STAM2: variants seen among roughly 807,000 people sequenced by gnomAD.
STAM2 encodes the protein signal transducing adaptor molecule 2, also known as signal transducing adapter molecule 2.
Under a neutral mutation model 65.6 loss-of-function variants are expected in STAM2, and 51 were observed. That is an observed-to-expected ratio of 0.78 (90% CI 0.62 to 0.98). The LOEUF (loss-of-function observed/expected upper bound fraction) is 0.98, where lower values mean the gene tolerates loss of function less well. STAM2 is among the 50% of genes least tolerant of loss of function. The pLI is 0.00. For missense variants in STAM2, 584 were observed against 617.8 expected, an observed-to-expected ratio of 0.95 and a Z score of 0.58; for synonymous variants, 198 against 208.4, an observed-to-expected ratio of 0.95 and a Z score of 0.43.
intron 7 of STAM2, among the ~76,000 whole-genome samples, chr2:152,139,338 T>C (rs547804766): frequency 6.6e-6 from 1 of 152,258 alleles, no homozygotes; most frequent in South Asian, 2.1e-4. Flanking sequence ...AAACCTACCA[T>C]GGAGAAAATA....
rs562958470 is a variant in STAM2 at position 152,117,857 on chromosome 2, T to C, written c.*2717A>G. On this transcript the variant is annotated 3_prime_UTR_variant, in exon 14 of 14. Transcript: ENST00000263904. Reference sequence around the variant, plus strand: ...GTAAAATGTATTACGTAGACAAGTATCAATTATTTCAAACAGCATGACAAT... The same window carrying C: ...GTAAAATGTATTACGTAGACAAGTACCAATTATTTCAAACAGCATGACAAT... The C allele has an allele frequency of 6.6e-6, 1 of 152,270 alleles. No homozygotes were observed. Among genetic ancestry groups the C allele is most frequent in the African/African-American group, 2.4e-5 (1 of 41,584 alleles). 9.4% of individuals were successfully genotyped at this position (152,270 alleles called of 1,614,324 possible). A position where few individuals can be genotyped will look rare whatever the true frequency, so the allele number is the denominator to read the frequency against.
At chr2:152,127,071 G>C (rs1688975758) in intron 11 of STAM2, among the ~76,000 whole-genome samples, 1 of 152,200 alleles carries the variant, frequency 6.6e-6, no homozygotes, top group Admixed American at 6.5e-5. Flanking sequence ...GAAACTTCTA[G>C]GGGGTACTTG....
chr2:152,128,171 G>A (rs1289371058), intron 11 of STAM2, among the ~76,000 whole-genome samples: 1 of 152,182 alleles, frequency 6.6e-6, no homozygotes, highest in East Asian at 1.9e-4. Flanking sequence ...ACTTTGGGAG[G>A]CCGAGGCAGG....
intron 11 of STAM2, among the ~76,000 whole-genome samples, chr2:152,130,164 G>T (rs1307705858): frequency 6.6e-6 from 1 of 152,170 alleles, no homozygotes. Flanking sequence ...TTCAGATAGA[G>T]AGCTGAGAAA....
At chr2:152,122,049 A>C (rs4664081) in intron 13 of STAM2, among the ~76,000 whole-genome samples, 8,014 of 107,498 alleles carry the variant, frequency 0.075, 255 homozygotes, top group East Asian at 0.086. Context: ...CTCCGTCCCC[A>C]AAAAAAAAAT....
chr2:152,142,064 C>T (rs1271131771), intron 7 of STAM2, among the ~76,000 whole-genome samples: 1 of 152,148 alleles, frequency 6.6e-6, no homozygotes, highest in Non-Finnish European at 1.5e-5. Context: ...CTTTAGCATG[C>T]AAGTTTGCAT....
Position 152,126,338 on chromosome 2 carries a change from T to C in STAM2, c.1067A>G (p.Glu356Gly). Residue 356 changes from glutamate to glycine, a missense_variant, in exon 12 of 14, where the codon GAA (glutamate) becomes GGA (glycine). Coordinates refer to ENST00000263904, the MANE Select transcript of STAM2 (RefSeq NM_005843.6). ...CAATTTGTTATATAGTTCCAGAGCT[T>C]CCAGGACTTTAACATTCAATTCAGA... ...ELSELNVKVL[E>G]ALELYNKLVN... is the part of the protein sequence containing the mutation. 6.3e-7 allele frequency: 1 copy of C among 1,590,968 alleles called. No individual in the cohort carries two copies. Among genetic ancestry groups the C allele is most frequent in the Non-Finnish European group, 8.6e-7 (1 of 1,169,484 alleles).
intron 7 of STAM2, among the ~76,000 whole-genome samples, chr2:152,143,214 AGT>A (rs1271231228): frequency 6.6e-6 from 1 of 152,250 alleles, no homozygotes; most frequent in African/African-American, 2.4e-5. Context: ...ATATTAGACT[AGT>A]GTGTTATAAA....
intron 1 of STAM2, among the ~76,000 whole-genome samples, chr2:152,150,509 A>T (rs1689422265): frequency 6.6e-6 from 1 of 152,256 alleles, no homozygotes; most frequent in African/African-American, 2.4e-5. Context: ...AGTTTTAAAG[A>T]TGTATAATCC....
Position 152,148,208 on chromosome 2 carries a change from A to G in STAM2, c.201+17T>C. On this transcript the variant is annotated intron_variant, in intron 3 of 13. Transcript: ENST00000263904. Reference sequence around the variant, plus strand: ...CATTTAAAATTTGCGTCAAATAATAACATGCCTTGTACTCACAGTTAGTGC... The same window carrying G: ...CATTTAAAATTTGCGTCAAATAATAGCATGCCTTGTACTCACAGTTAGTGC... 1 of 1,603,174 alleles carries G rather than the reference A, an allele frequency of 6.2e-7. No individual in the cohort carries two copies. The highest frequency in any genetic ancestry group is 8.5e-7 in the Non-Finnish European group (1 of 1,175,132).
intron 1 of STAM2, among the ~76,000 whole-genome samples, chr2:152,160,877 G>C (rs1423119017): frequency 6.7e-6 from 1 of 150,192 alleles, no homozygotes; most frequent in African/African-American, 2.4e-5. Flanking sequence ...GGGAGGTGGG[G>C]GGGTCAGCCC....
At chr2:152,139,235 A>G (rs1689204355) in intron 7 of STAM2, among the ~76,000 whole-genome samples, 1 of 152,238 alleles carries the variant, frequency 6.6e-6, no homozygotes, top group Admixed American at 6.5e-5. Flanking sequence ...TAAAAAAAGA[A>G]TAAATCACAA....
intron 3 of STAM2, 22 bp downstream of exon 3, chr2:152,148,203 T>C: frequency 6.2e-7 from 1 of 1,601,322 alleles, no homozygotes; most frequent in Non-Finnish European, 8.5e-7. Flanking sequence ...TTGCGTCAAA[T>C]AATAACATGC....
In STAM2 at chr2:152,150,257, A is replaced by T. The variant is rs772260331; in HGVS notation, c.41-28T>A. On this transcript the variant is annotated intron_variant, in intron 1 of 13. Coordinates refer to ENST00000263904, the MANE Select transcript of STAM2 (RefSeq NM_005843.6). ...ATAAAATATATTGGCATACACAACA[A>T]TGAGGACACATCTCATATAACACTA... is the stretch of plus-strand genomic sequence containing the variant. 12 of 1,394,836 alleles carry T rather than the reference A, an allele frequency of 8.6e-6. No homozygotes were observed. In the South Asian group the frequency reaches 1.3e-4, roughly 15 times the overall value. The allele number at this position is 1,394,836 out of a possible 1,614,324, so 86.4% of individuals were successfully genotyped here.
intron 1 of STAM2, among the ~76,000 whole-genome samples, chr2:152,155,977 G>A (rs1402613088): frequency 6.6e-6 from 1 of 152,086 alleles, no homozygotes; most frequent in Non-Finnish European, 1.5e-5. Context: ...AATTTTATGA[G>A]TATGGATATG....
At chr2:152,134,502 G>T (rs1689117330) in intron 8 of STAM2, among the ~76,000 whole-genome samples, 1 of 152,116 alleles carries the variant, frequency 6.6e-6, no homozygotes, top group Non-Finnish European at 1.5e-5. Flanking sequence ...TTTTCTGAAT[G>T]TATCACTCTA....
rs538833054 is a variant in STAM2, at chr2:152,164,521, T to C, written c.40+11082A>G. Among the ~76,000 whole-genome samples, 10 of 152,318 alleles carry C rather than the reference T, an allele frequency of 6.6e-5. No homozygotes were observed. In the East Asian group the frequency reaches 1.7e-3, roughly 26 times the overall value. ...CCACGCCGGGCTAATTTTGTATTTTTAGTAGGGACAGGGTTTTTCCATGTT... is the reference window on the plus strand; with the variant it reads ...CCACGCCGGGCTAATTTTGTATTTTCAGTAGGGACAGGGTTTTTCCATGTT... On this transcript the variant is annotated intron_variant, in intron 1 of 13. Transcript: ENST00000263904.
chr2:152,123,653 G>A, intron 13 of STAM2, 113 bp downstream of exon 13: 2 of 1,063,648 alleles, frequency 1.9e-6, no homozygotes, highest in African/African-American at 3.2e-5. Context: ...CCACTTCACA[G>A]GATTATGAAT....
intron 1 of STAM2, among the ~76,000 whole-genome samples, chr2:152,171,452 C>G (rs941725975): frequency 2.0e-5 from 3 of 152,066 alleles, no homozygotes; most frequent in African/African-American, 7.2e-5. Flanking sequence ...ACTTATTGTA[C>G]AAAGAGTGGC....
Sources: gnomAD v4.1 joint callset for allele counts (sites outside exome capture counted in the v4.1 genomes callset) on GRCh38, gnomAD v4.1.1 for gene constraint, MANE v1.5 for transcripts, NCBI Gene and HGNC (gene_info 2026-07-23, HGNC 2026-07-21) for gene names.